The following CFAP206 variants were observed in gnomAD, a reference collection of about 807,000 sequenced individuals.
The protein encoded by CFAP206 is cilia and flagella associated protein 206, also known as cilia- and flagella-associated protein 206.
In CFAP206, 53 loss-of-function variants were observed where a neutral mutation model predicts 65.4. The observed-to-expected ratio is 0.81, with a 90% CI of 0.65 to 1.02. The LOEUF (loss-of-function observed/expected upper bound fraction) is 1.02. Among genes scored for constraint, CFAP206 ranks in the 50% least tolerant of loss-of-function variants. The pLI is 0.00. For missense variants in CFAP206, 663 were observed against 753.2 expected (o/e 0.88, Z 1.40); for synonymous variants, 250 against 254.4 (o/e 0.98, Z 0.17).
chr6:87,448,886 T>G (rs1229393096), intron 11 of CFAP206, among the ~76,000 whole-genome samples: 5 of 152,178 alleles, frequency 3.3e-5, no homozygotes, highest in Non-Finnish European at 7.3e-5. Context: ...AAATATACCA[T>G]ATTTTCTTTA....
chr6:87,416,966 C>G (rs1192393220), intron 6 of CFAP206, 139 bp downstream of exon 6: 1 of 737,572 alleles, frequency 1.4e-6, no homozygotes, highest in East Asian at 2.7e-5. Flanking sequence ...TTAAGAATAA[C>G]TACTGTTTAT....
intron 1 of CFAP206, among the ~76,000 whole-genome samples, chr6:87,408,322 T>G (rs1283478261): frequency 2.0e-5 from 3 of 152,186 alleles, no homozygotes; most frequent in Admixed American, 1.3e-4. Context: ...TTTGCGCGGG[T>G]GCCTGAGGCC....
chr6:87,448,765 C>G (rs2127955707), intron 11 of CFAP206, among the ~76,000 whole-genome samples: 1 of 152,168 alleles, frequency 6.6e-6, no homozygotes, highest in South Asian at 2.1e-4. Context: ...TGATATTTGT[C>G]TTTCTGTGCC....
chr6:87,429,095 G>A (rs1768109905), intron 9 of CFAP206, among the ~76,000 whole-genome samples: 1 of 152,062 alleles, frequency 6.6e-6, no homozygotes, highest in African/African-American at 2.4e-5. Flanking sequence ...GCATGGTGGT[G>A]GGCGCCTGTA....
chr6:87,450,475 A>ATGTGTGTG (rs55870560), intron 11 of CFAP206, among the ~76,000 whole-genome samples: 23,776 of 130,050 alleles, frequency 0.18, 2,432 homozygotes, highest in Admixed American at 0.28. Context: ...ATAAATGAAA[A>ATGTGTGTG]TGTGTGTGTG....
At chr6:87,420,346 C>A (rs916861075) in intron 7 of CFAP206, among the ~76,000 whole-genome samples, 4 of 152,180 alleles carry the variant, frequency 2.6e-5, no homozygotes, top group Non-Finnish European at 5.9e-5. Context: ...AGATGTCATT[C>A]ATTATATAGA....
chr6:87,416,900 TAAAC>T (rs1285693590), intron 6 of CFAP206, 73 bp downstream of exon 6: 10 of 1,265,676 alleles, frequency 7.9e-6, no homozygotes, highest in East Asian at 2.4e-5. Flanking sequence ...AGGAAAATAA[TAAAC>T]AACACACCAC....
chr6:87,448,294 A>G (rs1343383717), intron 11 of CFAP206, among the ~76,000 whole-genome samples: 2 of 152,190 alleles, frequency 1.3e-5, no homozygotes, highest in Non-Finnish European at 2.9e-5. Context: ...AGCTGGGACT[A>G]CAGCCACACG....
chr6:87,414,488 G>T (rs1057022589), intron 4 of CFAP206, among the ~76,000 whole-genome samples: 7 of 152,010 alleles, frequency 4.6e-5, no homozygotes, highest in African/African-American at 1.7e-4. Context: ...AGTAGAGACG[G>T]GATTTCACCA....
chr6:87,453,971 C>T (rs1768587970), intron 11 of CFAP206, among the ~76,000 whole-genome samples: 1 of 151,934 alleles, frequency 6.6e-6, no homozygotes, highest in Non-Finnish European at 1.5e-5. Context: ...AAACAAGACC[C>T]AATGATCTGT....
chr6:87,417,755 C>CTTTTTTTT (rs11394814), intron 6 of CFAP206, among the ~76,000 whole-genome samples: 2 of 121,760 alleles, frequency 1.6e-5, no homozygotes, highest in African/African-American at 3.1e-5. Context: ...GTTTTAGATT[C>CTTTTTTTT]TTTTTTTTTT....
chr6:87,416,145 A>G (rs1405901586), intron 5 of CFAP206, among the ~76,000 whole-genome samples: 1 of 152,172 alleles, frequency 6.6e-6, no homozygotes, highest in Non-Finnish European at 1.5e-5. Context: ...CATTAGAGAA[A>G]CATTGATAGT....
rs142215727 is a variant in CFAP206 at position 87,458,612 on chromosome 6, A to G, written c.1495-2410A>G. The stretch of plus-strand genomic sequence containing the variant: ...CGCTCCTTTGTGGGAGCTAAAAACT[A>G]AACTAATTGAAATGGAGATAGCAGA... On this transcript the variant is annotated intron_variant, in intron 11 of 12. Coordinates refer to ENST00000369562, the MANE Select transcript of CFAP206 (RefSeq NM_001031743.3). Among the ~76,000 whole-genome samples the G allele has an allele frequency of 1.7e-3, 253 of 152,208 alleles. 2 individuals are homozygous for G. Among genetic ancestry groups the G allele is most frequent in the Middle Eastern group, 3.4e-3 (1 of 294 alleles).
chr6:87,432,799 T>G (rs1434458659), intron 10 of CFAP206, among the ~76,000 whole-genome samples: 1 of 152,228 alleles, frequency 6.6e-6, no homozygotes, highest in Non-Finnish European at 1.5e-5. Context: ...AGTTTCATAT[T>G]CCTCTCTGGA....
intron 8 of CFAP206, 82 bp from the exon 9 acceptor site, chr6:87,428,544 A>T: frequency 7.6e-7 from 1 of 1,313,276 alleles, no homozygotes; most frequent in Middle Eastern, 1.9e-4. Context: ...TACAAATGAC[A>T]ATTGTATTTA....
At chr6:87,452,210 A>G (rs1768558887) in intron 11 of CFAP206, among the ~76,000 whole-genome samples, 1 of 152,228 alleles carries the variant, frequency 6.6e-6, no homozygotes, top group South Asian at 2.1e-4. Flanking sequence ...CTTACCCAAG[A>G]CCACCAAGGC....
intron 7 of CFAP206, among the ~76,000 whole-genome samples, chr6:87,422,807 C>A (rs956155023): frequency 6.6e-6 from 1 of 151,782 alleles, no homozygotes; most frequent in Non-Finnish European, 1.5e-5. Context: ...TGAATAAATT[C>A]TTTTTAGTAA....
At position 87,447,997 on chromosome 6, in the gene CFAP206, G is replaced by A. The variant is rs147875036; in HGVS notation, c.1494+12944G>A. On this transcript the variant is annotated intron_variant, in intron 11 of 12. Transcript: ENST00000369562. ...ATACTTTAAGTTCTGGGATACATGT[G>A]CAGAACGTGCAGGTTTGTTAAATAG... Among the ~76,000 whole-genome samples the A allele has an allele frequency of 3.7e-3, 384 of 104,332 alleles. 1 individual carries two copies. The highest frequency in any genetic ancestry group is 0.013 in the African/African-American group (371 of 28,874). 68.4% of individuals were successfully genotyped at this position (104,332 alleles called of 152,430 possible).
At position 87,426,575 on chromosome 6, in the gene CFAP206, T is replaced by C; in HGVS notation, c.890T>C (p.Leu297Ser). 1 of 1,602,512 alleles carries C rather than the reference T, an allele frequency of 6.2e-7. No homozygotes were observed. The highest frequency in any genetic ancestry group is 8.5e-7 in the Non-Finnish European group (1 of 1,173,794). The change falls in exon 8 of 13, where the codon TTA becomes TCA. Residue 297 changes from leucine (L) to serine (S), a missense_variant. Transcript: ENST00000369562. ...GAAGTGGAAATGATGACAAAACAGTTAGGAGCCCATCTGGAACAACTAAAA... is the reference window on the plus strand; with the variant it reads ...GAAGTGGAAATGATGACAAAACAGTCAGGAGCCCATCTGGAACAACTAAAA... ...AQEVEMMTKQ[L>S]GAHLEQLKMT... is the part of the protein sequence containing the mutation.
Sources: allele counts gnomAD v4.1 joint callset (sites outside exome capture counted in the v4.1 genomes callset), GRCh38; gene constraint gnomAD v4.1.1; transcripts MANE v1.5; gene names NCBI Gene and HGNC (gene_info 2026-07-23, HGNC 2026-07-21).